Variants in SCUBE1 observed in about 807,000 individuals in gnomAD.
SCUBE1 encodes signal peptide, CUB domain and EGF like domain containing 1, also known as signal peptide, CUB and EGF-like domain-containing protein 1.
SCUBE1 carries 59 observed loss-of-function variants against 124.4 expected under a neutral mutation model. That is an observed-to-expected ratio of 0.47 (90% CI 0.38 to 0.59). SCUBE1 has a LOEUF of 0.59. Among genes scored for constraint, SCUBE1 ranks in the 20% least tolerant of loss-of-function variants. The probability of loss-of-function intolerance (pLI) is 0.00; values close to 1 mark genes in which losing one functional copy is unlikely to be tolerated. For missense variants in SCUBE1, 1,150 were observed against 1,371.2 expected (o/e 0.84, Z 2.55); for synonymous variants, 545 against 550.9 (o/e 0.99, Z 0.15).
chr22:43,310,852 C>T, intron 3 of SCUBE1, among the ~76,000 whole-genome samples: 1 of 152,306 alleles, frequency 6.6e-6, no homozygotes, highest in Admixed American at 6.5e-5. Flanking sequence ...AAACATAACT[C>T]ACTGCAGCCT....
At position 43,291,057 on chromosome 22, in the gene SCUBE1, T is replaced by C. The variant is rs1415570982; in HGVS notation, c.473A>G (p.His158Arg). 32 of 1,609,182 alleles carry C rather than the reference T, an allele frequency of 2.0e-5. No individual in the cohort carries two copies. The highest frequency in any genetic ancestry group is 2.5e-5 in the Non-Finnish European group (30 of 1,177,094). The change falls in exon 4 of 22, where the codon CAC (histidine) becomes CGC (arginine). Residue 158 changes from histidine to arginine, a missense_variant. Physicochemically the swap from His to Arg is conservative, Grantham distance 29. Around this residue, in one of 3 missense-constraint regions of SCUBE1, gnomAD observed 337 missense variants for 482.1 expected, o/e 0.70. Coordinates refer to ENST00000360835, the MANE Select transcript of SCUBE1 (RefSeq NM_173050.5). ...TAGGCTGTACTCACCATTGGAGCGG[T>C]GGATGCAGGTATGCTGGTTGTCACT... ...FLSDNQHTCI[H>R]RSNEGMNCMN...
intron 10 of SCUBE1, 47 bp from the exon 11 acceptor site, chr22:43,223,263 G>T: frequency 6.5e-7 from 1 of 1,532,352 alleles, no homozygotes; most frequent in Non-Finnish European, 8.7e-7. Flanking sequence ...CAGGGCGGAG[G>T]CTTCCTGGAG....
At chr22:43,237,310 G>A (rs1304777868) in intron 7 of SCUBE1, among the ~76,000 whole-genome samples, 1 of 152,218 alleles carries the variant, frequency 6.6e-6, no homozygotes, top group Admixed American at 6.5e-5. Context: ...TTCTGGCCCA[G>A]ACAGGGTGGC....
chr22:43,339,188 T>C lies in SCUBE1; in HGVS notation c.136A>G (p.Ile46Val), dbSNP rs777225233. 2 of 1,613,754 alleles carry C rather than the reference T, an allele frequency of 1.2e-6. No individual in the cohort carries two copies. The highest frequency in any genetic ancestry group is 2.7e-5 in the African/African-American group (2 of 74,920). ...GGCGTGTTCTGACAGATGGCATCGATGTGGCAGTCATCTGTGCCCTCTGAG... is the reference window on the plus strand; with the variant it reads ...GGCGTGTTCTGACAGATGGCATCGACGTGGCAGTCATCTGTGCCCTCTGAG... Reference protein sequence around the residue: ...ECSEGTDDCHIDAICQNTPKS... With the variant: ...ECSEGTDDCHVDAICQNTPKS... Residue 46 changes from isoleucine (I) to valine (V), a missense_variant, in exon 2 of 22, where the codon ATC (isoleucine) becomes GTC (valine). This residue lies in a region of SCUBE1 where 337 missense variants were observed against 482.1 expected (regional missense o/e 0.70). Coordinates refer to ENST00000360835, the MANE Select transcript of SCUBE1 (RefSeq NM_173050.5).
At chr22:43,218,000 T>C (rs1449779756) in intron 15 of SCUBE1, among the ~76,000 whole-genome samples, 1 of 150,474 alleles carries the variant, frequency 6.6e-6, no homozygotes, top group Non-Finnish European at 1.5e-5. Flanking sequence ...GCCCCTCGAC[T>C]GTGGCCTTGC....
At chr22:43,317,467 A>G (rs932967844) in intron 3 of SCUBE1, among the ~76,000 whole-genome samples, 39 of 152,306 alleles carry the variant, frequency 2.6e-4, no homozygotes, top group Admixed American at 2.4e-3. Flanking sequence ...TATCTCAGTC[A>G]CTGCTCACGA....
chr22:43,324,441 G>C (rs9623809), intron 2 of SCUBE1, among the ~76,000 whole-genome samples: 56,931 of 151,982 alleles, frequency 0.37, 11,179 homozygotes, highest in East Asian at 0.43. Flanking sequence ...CCAATCCCCA[G>C]GCCTGCTGTG....
intron 3 of SCUBE1, 43 bp from the exon 4 acceptor site, chr22:43,291,223 G>A (rs1483566999): frequency 6.3e-7 from 1 of 1,587,846 alleles, no homozygotes; most frequent in African/African-American, 1.3e-5. Context: ...TCACACCTAA[G>A]TTGGAAGCAG....
At chr22:43,227,282 G>C in intron 10 of SCUBE1, 92 bp downstream of exon 10, 1 of 1,432,012 alleles carries the variant, frequency 7.0e-7, no homozygotes, top group Non-Finnish European at 9.4e-7. Context: ...GGGAGGGGCT[G>C]TCCTGCTCAC....
At chr22:43,256,188 C>T (rs1383644585) in intron 6 of SCUBE1, among the ~76,000 whole-genome samples, 1 of 152,196 alleles carries the variant, frequency 6.6e-6, no homozygotes, top group Non-Finnish European at 1.5e-5. Context: ...ACCACGGGAT[C>T]GATTTGGGCA....
intron 3 of SCUBE1, among the ~76,000 whole-genome samples, chr22:43,312,826 T>A (rs1420960195): frequency 1.3e-5 from 2 of 151,896 alleles, no homozygotes; most frequent in East Asian, 3.9e-4. Flanking sequence ...AACTCACGGA[T>A]AGATACAGGC....
intron 17 of SCUBE1, among the ~76,000 whole-genome samples, chr22:43,212,068 T>G (rs1332677240): frequency 6.6e-6 from 1 of 151,822 alleles, no homozygotes; most frequent in African/African-American, 2.4e-5. Context: ...GCAGTTGAGG[T>G]GATGCCCTGA....
intron 6 of SCUBE1, 69 bp from the exon 7 acceptor site, chr22:43,239,023 A>G: frequency 7.8e-7 from 1 of 1,278,334 alleles, no homozygotes; most frequent in East Asian, 2.3e-5. Context: ...CCTTCCGTGG[A>G]AAGATCTTCT....
chr22:43,264,631 C>T (rs759256951), intron 4 of SCUBE1, among the ~76,000 whole-genome samples: 4 of 152,236 alleles, frequency 2.6e-5, no homozygotes, highest in East Asian at 1.9e-4. Context: ...CTGTTGTCGG[C>T]GGTGGGCTGA....
chr22:43,288,381 C>G (rs1276213066), intron 4 of SCUBE1, among the ~76,000 whole-genome samples: 1 of 152,160 alleles, frequency 6.6e-6, no homozygotes, highest in African/African-American at 2.4e-5. Flanking sequence ...CCCTAAGCAT[C>G]ACTTCCTACC....
intron 15 of SCUBE1, among the ~76,000 whole-genome samples, chr22:43,216,184 T>C (rs1921802546): frequency 1.3e-5 from 2 of 151,744 alleles, no homozygotes; most frequent in South Asian, 4.2e-4. Flanking sequence ...GTAGCTAGGA[T>C]TGCAGGCGCT....
At chr22:43,333,591 C>G (rs1926969567) in intron 2 of SCUBE1, among the ~76,000 whole-genome samples, 1 of 152,192 alleles carries the variant, frequency 6.6e-6, no homozygotes, top group African/African-American at 2.4e-5. Flanking sequence ...GGGCTTCCCA[C>G]AATCCAGGCT....
chr22:43,234,670 G>GC lies in SCUBE1; in HGVS notation c.845-2796dup, dbSNP rs935698322. ...TGGGGTGCAGCTTTTGCACCTCTCT[G>GC]CCCTTCCGCTCCTTCCTGGGTTCCC... On this transcript the variant is annotated intron_variant, in intron 7 of 21. Coordinates refer to ENST00000360835, the MANE Select transcript of SCUBE1 (RefSeq NM_173050.5). This position sits in a 1 kb window ranked among gnomAD's most constrained non-coding sequence, Gnocchi z 4.4. 7.9e-5 allele frequency among the ~76,000 whole-genome samples: 12 copies of GC among 152,136 alleles called. No homozygotes were observed. The highest frequency in any genetic ancestry group is 2.9e-4 in the African/African-American group (12 of 41,426).
At chr22:43,266,793 C>T (rs1924085386) in intron 4 of SCUBE1, among the ~76,000 whole-genome samples, 2 of 152,248 alleles carry the variant, frequency 1.3e-5, no homozygotes, top group South Asian at 2.1e-4. Flanking sequence ...TGTTTCCAGA[C>T]GTAAGAGCCC....
Sources: allele counts gnomAD v4.1 joint callset (sites outside exome capture counted in the v4.1 genomes callset), GRCh38; gene constraint gnomAD v4.1.1; regional missense constraint gnomAD v4.1.1; non-coding constraint Gnocchi (gnomAD v3.1); transcripts MANE v1.5; gene names NCBI Gene and HGNC (gene_info 2026-07-23, HGNC 2026-07-21).